The following ARMH4 variants were observed in gnomAD, a reference collection of about 807,000 sequenced individuals.
ARMH4 encodes the protein armadillo-like helical domain-containing protein 4.
A neutral mutation model predicts 61.9 loss-of-function variants in ARMH4; 49 were observed. The ratio of observed to expected loss-of-function variants is 0.79; its 90% CI spans 0.63 to 1.00. The LOEUF is 1.00. Among genes scored for constraint, ARMH4 ranks in the 50% least tolerant of loss-of-function variants. The pLI is 0.00. For synonymous variants in ARMH4, 368 were observed against 341.5 expected, an observed-to-expected ratio of 1.08 and a Z score of -0.85; for missense variants, 934 against 930.0, an observed-to-expected ratio of 1.00 and a Z score of -0.06.
At chr14:58,151,211 G>A (rs985771740) in intron 1 of ARMH4, among the ~76,000 whole-genome samples, 3 of 152,144 alleles carry the variant, frequency 2.0e-5, no homozygotes, top group Non-Finnish European at 4.4e-5. Flanking sequence ...GGATCCTCGG[G>A]ATCATCTCAT....
intron 5 of ARMH4, among the ~76,000 whole-genome samples, chr14:58,024,337 C>T (rs564097931): frequency 3.3e-5 from 5 of 152,286 alleles, no homozygotes; most frequent in African/African-American, 9.6e-5. Context: ...CAGCTTCTTT[C>T]CTTAAGCCTC....
Position 58,145,919 on chromosome 14 carries a change from A to C in ARMH4, c.-57+6156T>G, listed in dbSNP as rs116234944. 7.7e-3 allele frequency among the ~76,000 whole-genome samples: 1,178 copies of C among 152,358 alleles called. 17 individuals carry two copies. The highest frequency in any genetic ancestry group is 0.027 in the African/African-American group (1,111 of 41,586). ...TCAGATAAACTGATAGATGACCTTC[A>C]AATTCCAGGATTTTCTCCATCTTTC... On this transcript the variant is annotated intron_variant, in intron 1 of 7. Transcript: ENST00000267485.
At chr14:58,010,198 T>C (rs547513159) in intron 6 of ARMH4, among the ~76,000 whole-genome samples, 2 of 151,716 alleles carry the variant, frequency 1.3e-5, no homozygotes, top group Non-Finnish European at 2.9e-5. Flanking sequence ...CTTTAATAGA[T>C]GATGGATGGA....
intron 5 of ARMH4, among the ~76,000 whole-genome samples, chr14:58,034,224 C>T (rs1371406709): frequency 1.5e-5 from 2 of 135,372 alleles, no homozygotes; most frequent in African/African-American, 5.6e-5. Flanking sequence ...ACCCTACAAG[C>T]CAGAAGAGAG....
chr14:58,151,822 G>A (rs897201878), intron 1 of ARMH4, among the ~76,000 whole-genome samples: 22 of 152,250 alleles, frequency 1.4e-4, no homozygotes, highest in Non-Finnish European at 1.0e-4. Flanking sequence ...GGAGCTAGGA[G>A]TGCGGTGAGT....
At chr14:58,064,903 G>C (rs1227268715) in intron 5 of ARMH4, among the ~76,000 whole-genome samples, 1 of 152,154 alleles carries the variant, frequency 6.6e-6, no homozygotes, top group Non-Finnish European at 1.5e-5. Flanking sequence ...TCTAGGTAAT[G>C]CTGGATCTTG....
chr14:58,081,774 G>A (rs1322961177), intron 5 of ARMH4, among the ~76,000 whole-genome samples: 2 of 152,032 alleles, frequency 1.3e-5, no homozygotes, highest in African/African-American at 4.8e-5. Context: ...CCAAAGTGCT[G>A]GGATTACAGG....
intron 5 of ARMH4, among the ~76,000 whole-genome samples, chr14:58,014,992 T>C: frequency 6.6e-6 from 1 of 152,162 alleles, no homozygotes. Flanking sequence ...TGGTGCAGAA[T>C]AGGGATAGCC....
At chr14:58,060,099 C>A (rs573325940) in intron 5 of ARMH4, among the ~76,000 whole-genome samples, 1 of 152,106 alleles carries the variant, frequency 6.6e-6, no homozygotes, top group Non-Finnish European at 1.5e-5. Flanking sequence ...TATTATAGTC[C>A]GTTTTAATCA....
chr14:58,039,657 C>T (rs6573186), intron 5 of ARMH4, among the ~76,000 whole-genome samples: 80,174 of 152,016 alleles, frequency 0.53, 21,335 homozygotes, highest in East Asian at 0.68. Context: ...GGCTGAGACA[C>T]ACAGCCAGCA....
intron 5 of ARMH4, among the ~76,000 whole-genome samples, chr14:58,079,291 A>G (rs1241332900): frequency 6.6e-6 from 1 of 152,220 alleles, no homozygotes; most frequent in Non-Finnish European, 1.5e-5. Flanking sequence ...GTACACAAGC[A>G]TGGTACTCGC....
At chr14:58,049,682 T>C (rs1194053304) in intron 5 of ARMH4, among the ~76,000 whole-genome samples, 1 of 151,994 alleles carries the variant, frequency 6.6e-6, no homozygotes, top group Admixed American at 6.6e-5. Context: ...TAAGTGCCCA[T>C]GATGACAGAG....
At chr14:58,150,473 T>C (rs1234695299) in intron 1 of ARMH4, among the ~76,000 whole-genome samples, 1 of 152,216 alleles carries the variant, frequency 6.6e-6, no homozygotes, top group African/African-American at 2.4e-5. Flanking sequence ...CCACAGCAGA[T>C]AAACCCGTTT....
Position 58,072,880 on chromosome 14 carries a change from C to T in ARMH4, c.2089+23844G>A, listed in dbSNP as rs539071960. On this transcript the variant is annotated intron_variant, in intron 5 of 7. Transcript: ENST00000267485. ...GTTTGGATGTCACCCTGTCATCATG[C>T]ATAATGATTCTTACAGACAGGTATC... Among the ~76,000 whole-genome samples the T allele has an allele frequency of 3.9e-5, 6 of 152,286 alleles. 1 individual carries two copies. Among genetic ancestry groups the T allele is most frequent in the African/African-American group, 1.4e-4 (6 of 41,558 alleles).
chr14:58,099,966 A>G lies in ARMH4; in HGVS notation c.1832-2985T>C, dbSNP rs998874776. 2.6e-5 allele frequency among the ~76,000 whole-genome samples: 4 copies of G among 152,322 alleles called. No homozygotes were observed. In the South Asian group the frequency reaches 8.3e-4, roughly 32 times the overall value. ...GGCTGTTGTAAGGATTTCATTAGTT[A>G]ATTTATAAGGTACTTAAAACTAAGC... On this transcript the variant is annotated intron_variant, in intron 4 of 7. Coordinates refer to ENST00000267485, the MANE Select transcript of ARMH4 (RefSeq NM_001001872.4).
At position 58,150,598 on chromosome 14, in the gene ARMH4, T is replaced by G. The variant is rs1253162722; in HGVS notation, c.-57+1477A>C. On this transcript the variant is annotated intron_variant, in intron 1 of 7. Transcript: ENST00000267485. ...GGAATATGTAGTAAGAAGCCTCCCATGAAAACAAAGACAAATTCACATCTC... is the reference window on the plus strand; with the variant it reads ...GGAATATGTAGTAAGAAGCCTCCCAGGAAAACAAAGACAAATTCACATCTC... Among the ~76,000 whole-genome samples, 4 of 152,170 alleles carry G rather than the reference T, an allele frequency of 2.6e-5. No homozygotes were observed. In the East Asian group the frequency reaches 7.7e-4, roughly 29 times the overall value.
At chr14:58,076,943 C>T (rs1330454308) in intron 5 of ARMH4, among the ~76,000 whole-genome samples, 1 of 152,156 alleles carries the variant, frequency 6.6e-6, no homozygotes, top group Non-Finnish European at 1.5e-5. Flanking sequence ...TTAGCTTTGT[C>T]TACACCAAGG....
intron 5 of ARMH4, among the ~76,000 whole-genome samples, chr14:58,013,901 C>A (rs1226741286): frequency 6.6e-6 from 1 of 152,006 alleles, no homozygotes; most frequent in Non-Finnish European, 1.5e-5. Context: ...GTGGCAGACA[C>A]CTGTAATCGC....
In ARMH4 at chr14:58,138,958, A is replaced by G. The variant is rs956808708; in HGVS notation, c.401T>C (p.Ile134Thr). ...CTTGGCAAGTCCACTTTCAGGAGAT[A>G]TTCTCTCTGGCTGGCTGGAACCAAA... ...EVFGSSQPER[I>T]SPESGLAKAM... Residue 134 changes from isoleucine (I) to threonine (T), a missense_variant, in exon 2 of 8, where the codon ATA (isoleucine) becomes ACA (threonine). Coordinates refer to ENST00000267485, the MANE Select transcript of ARMH4 (RefSeq NM_001001872.4). The G allele has an allele frequency of 6.2e-7, 1 of 1,614,104 alleles. No individual in the cohort carries two copies. Among genetic ancestry groups the G allele is most frequent in the Non-Finnish European group, 8.5e-7 (1 of 1,180,060 alleles).
Sources: allele counts gnomAD v4.1 joint callset (sites outside exome capture counted in the v4.1 genomes callset), GRCh38; gene constraint gnomAD v4.1.1; transcripts MANE v1.5; gene names NCBI Gene and HGNC (gene_info 2026-07-23, HGNC 2026-07-21).